Variants in GRM5 observed in about 807,000 individuals in gnomAD.
GRM5 encodes the protein metabotropic glutamate receptor 5.
Under a neutral mutation model 83.1 loss-of-function variants are expected in GRM5, and 19 were observed. That is an observed-to-expected ratio of 0.23 (90% confidence interval 0.16 to 0.34). The LOEUF (loss-of-function observed/expected upper bound fraction) is 0.34, where lower values mean the gene tolerates loss of function less well. GRM5 is among the 10% of genes least tolerant of loss of function. The pLI is 1.00. For synonymous variants in GRM5, 675 were observed against 633.6 expected, an observed-to-expected ratio of 1.07 and a Z score of -0.98; for missense variants, 1,160 against 1,588.3, an observed-to-expected ratio of 0.73 and a Z score of 4.58.
intron 2 of GRM5, among the ~76,000 whole-genome samples, chr11:88,959,070 T>C (rs1034681660): frequency 3.3e-5 from 5 of 152,060 alleles, no homozygotes; most frequent in African/African-American, 7.2e-5. Context: ...GAATGAGAAA[T>C]AGAGATATAT....
intron 3 of GRM5, among the ~76,000 whole-genome samples, chr11:88,781,459 T>G (rs924225340): frequency 6.6e-6 from 1 of 152,158 alleles, no homozygotes; most frequent in Non-Finnish European, 1.5e-5. Context: ...ACTACTGTAT[T>G]CAGACCTCTA....
At chr11:88,542,720 G>A (rs1285050738) in intron 8 of GRM5, among the ~76,000 whole-genome samples, 1 of 152,178 alleles carries the variant, frequency 6.6e-6, no homozygotes. Flanking sequence ...CAATGGGGAT[G>A]ATAAACATTG....
At chr11:88,779,881 G>A (rs958275551) in intron 3 of GRM5, among the ~76,000 whole-genome samples, 28 of 152,140 alleles carry the variant, frequency 1.8e-4, no homozygotes, top group African/African-American at 6.3e-4. Context: ...CATGGCAACT[G>A]CCCTAGTCAC....
intron 3 of GRM5, among the ~76,000 whole-genome samples, chr11:88,725,456 A>G (rs1016250276): frequency 1.3e-5 from 2 of 152,168 alleles, no homozygotes; most frequent in African/African-American, 4.8e-5. Flanking sequence ...CTGTGGGCGC[A>G]GCTTCAGCAG....
chr11:88,648,953 TTCTA>T (rs1210040697), intron 4 of GRM5, among the ~76,000 whole-genome samples: 1,275 of 150,416 alleles, frequency 8.5e-3, no homozygotes, highest in African/African-American at 0.029. Context: ...CAATTCTTTA[TTCTA>T]CAGGCTTAAG....
intron 7 of GRM5, among the ~76,000 whole-genome samples, chr11:88,576,598 A>G (rs1303890700): frequency 6.6e-6 from 1 of 152,146 alleles, no homozygotes; most frequent in Non-Finnish European, 1.5e-5. Context: ...CAATTTTTTC[A>G]TATATAAAAT....
At chr11:88,774,768 A>G (rs958092575) in intron 3 of GRM5, among the ~76,000 whole-genome samples, 5 of 152,152 alleles carry the variant, frequency 3.3e-5, no homozygotes, top group South Asian at 2.1e-4. Flanking sequence ...CGTATGTTGA[A>G]GCAGCCTTGC....
chr11:88,836,625 C>A (rs1194234821), intron 3 of GRM5, among the ~76,000 whole-genome samples: 2 of 151,896 alleles, frequency 1.3e-5, no homozygotes, highest in African/African-American at 4.8e-5. Flanking sequence ...AAGCTTGTCT[C>A]TAATAAAAAA....
chr11:88,809,317 A>C (rs1943550634), intron 3 of GRM5, among the ~76,000 whole-genome samples: 1 of 152,046 alleles, frequency 6.6e-6, no homozygotes, highest in Admixed American at 6.6e-5. Flanking sequence ...TATTCTAATA[A>C]GCTCTTAACT....
chr11:88,887,292 T>C (rs2135580357), intron 2 of GRM5, among the ~76,000 whole-genome samples: 1 of 152,330 alleles, frequency 6.6e-6, no homozygotes, highest in Non-Finnish European at 1.5e-5. Flanking sequence ...ATTTTAAGTC[T>C]GGAAGTTAAC....
chr11:88,823,647 T>C (rs903267639), intron 3 of GRM5, among the ~76,000 whole-genome samples: 1 of 152,158 alleles, frequency 6.6e-6, no homozygotes, highest in Non-Finnish European at 1.5e-5. Flanking sequence ...GCTGGTTTCA[T>C]GGGTCTCAGG....
chr11:88,830,934 C>A (rs1943979891), intron 3 of GRM5, among the ~76,000 whole-genome samples: 1 of 152,024 alleles, frequency 6.6e-6, no homozygotes, highest in Non-Finnish European at 1.5e-5. Context: ...GAAAGCTCCC[C>A]ATTATAGTAA....
At position 88,805,491 on chromosome 11, in the gene GRM5, G is replaced by A. The variant is rs34829672; in HGVS notation, c.911+44415C>T. On this transcript the variant is annotated intron_variant, in intron 3 of 9. Transcript: ENST00000305447. Reference sequence around the variant, plus strand: ...AGGTGTGAGCCACCACGCACGGCCCGTATACTTATTAAAAACAGAAAATAT... The same window carrying A: ...AGGTGTGAGCCACCACGCACGGCCCATATACTTATTAAAAACAGAAAATAT... 2.4e-3 allele frequency among the ~76,000 whole-genome samples: 365 copies of A among 152,112 alleles called. 3 individuals carry two copies. Among genetic ancestry groups the A allele is most frequent in the Non-Finnish European group, 3.1e-3 (209 of 68,002 alleles).
chr11:88,753,637 G>A (rs1171779298), intron 3 of GRM5, among the ~76,000 whole-genome samples: 1 of 152,106 alleles, frequency 6.6e-6, no homozygotes, highest in African/African-American at 2.4e-5. Context: ...ATTCATTGAA[G>A]CACTATTCAC....
chr11:88,747,486 C>T (rs185312561), intron 3 of GRM5, among the ~76,000 whole-genome samples: 18 of 152,216 alleles, frequency 1.2e-4, no homozygotes, highest in Non-Finnish European at 1.9e-4. Context: ...CTAGGCTGTA[C>T]GTGTACCTCT....
At chr11:88,805,294 T>C (rs10831463) in intron 3 of GRM5, among the ~76,000 whole-genome samples, 26,325 of 152,014 alleles carry the variant, frequency 0.17, 3,863 homozygotes, top group African/African-American at 0.38. Flanking sequence ...CGGATTCAAG[T>C]GATTCTCCTG....
At chr11:89,009,897 TCTC>T (rs1940639449) in intron 2 of GRM5, among the ~76,000 whole-genome samples, 1 of 14,004 alleles carries the variant, frequency 7.1e-5, no homozygotes, top group African/African-American at 3.5e-4. Flanking sequence ...CGAGACTCCG[TCTC>T]AAAAAAAAAA....
At chr11:88,957,770 A>C (rs1938667826) in intron 2 of GRM5, among the ~76,000 whole-genome samples, 2 of 152,174 alleles carry the variant, frequency 1.3e-5, no homozygotes, top group Non-Finnish European at 1.5e-5. Context: ...CCCCATAGAG[A>C]CAATATTTTT....
At chr11:88,773,345 A>T (rs1006865235) in intron 3 of GRM5, among the ~76,000 whole-genome samples, 5 of 151,840 alleles carry the variant, frequency 3.3e-5, no homozygotes, top group Admixed American at 2.6e-4. Flanking sequence ...TAGATTCTGG[A>T]TATTAGCCCT....
Sources: gnomAD v4.1 joint callset for allele counts (sites outside exome capture counted in the v4.1 genomes callset) on GRCh38, gnomAD v4.1.1 for gene constraint, MANE v1.5 for transcripts, NCBI Gene and HGNC (gene_info 2026-07-23, HGNC 2026-07-21) for gene names.